KLF12: variants seen among roughly 807,000 people sequenced by gnomAD.
KLF12 encodes Krueppel-like factor 12.
A neutral mutation model predicts 37.8 loss-of-function variants in KLF12; 9 were observed. The ratio of observed to expected loss-of-function variants is 0.24; its 90% CI spans 0.14 to 0.42. The LOEUF is 0.42. KLF12 is among the 10% of genes least tolerant of loss of function. The pLI, the probability that KLF12 is intolerant of heterozygous loss-of-function variation, is 1.00. For missense variants in KLF12, 411 were observed against 516.0 expected (o/e 0.80, Z 1.97); for synonymous variants, 208 against 202.1 (o/e 1.03, Z -0.25).
chr13:73,881,733 T>C (rs901026239), intron 3 of KLF12, among the ~76,000 whole-genome samples: 4 of 152,154 alleles, frequency 2.6e-5, no homozygotes, highest in African/African-American at 9.7e-5. Context: ...CAAAGCCTAA[T>C]TTACACTGAC....
the KLF12 span, among the ~76,000 whole-genome samples, chr13:74,233,564 G>C: frequency 6.6e-6 from 1 of 152,164 alleles, no homozygotes; most frequent in Non-Finnish European, 1.5e-5. Context: ...ACACATTGTA[G>C]TTTGGAGAAG....
chr13:73,738,122 T>TACAC lies in KLF12; in HGVS notation c.870-22598_870-22597insGTGT, dbSNP rs1474999870. ...ATATATATATATATATATATATATA[T>TACAC]ATACACACACACACATATATATACA... On this transcript the variant is annotated intron_variant, in intron 6 of 7. Transcript: ENST00000377669. Among the ~76,000 whole-genome samples, 212 of 64,872 alleles carry TACAC rather than the reference T, an allele frequency of 3.3e-3. 1 individual carries two copies. The highest frequency in any genetic ancestry group is 0.011 in the South Asian group (27 of 2,492). 42.6% of individuals were successfully genotyped at this position (64,872 alleles called of 152,430 possible). A position where few individuals can be genotyped will look rare whatever the true frequency, so the allele number is the denominator to read the frequency against.
chr13:74,128,399 C>T (rs1215631761), intron 1 of KLF12, among the ~76,000 whole-genome samples: 3 of 93,030 alleles, frequency 3.2e-5, no homozygotes, highest in Non-Finnish European at 6.3e-5. Flanking sequence ...AGTGCTTTTC[C>T]TATCAAATCA....
At chr13:74,059,267 T>C (rs183811490) in intron 1 of KLF12, among the ~76,000 whole-genome samples, 338 of 152,358 alleles carry the variant, frequency 2.2e-3, no homozygotes, top group African/African-American at 5.0e-3. Context: ...AGCATTTTCA[T>C]AGAATGATTT....
chr13:74,111,730 T>A (rs1307313434), intron 1 of KLF12, among the ~76,000 whole-genome samples: 1 of 151,624 alleles, frequency 6.6e-6, no homozygotes, highest in Non-Finnish European at 1.5e-5. Context: ...GGAAAAAAGG[T>A]CTTTTAAAAG....
chr13:73,701,370 A>C (rs1874541008), intron 7 of KLF12, among the ~76,000 whole-genome samples: 1 of 152,256 alleles, frequency 6.6e-6, no homozygotes, highest in South Asian at 2.1e-4. Context: ...CAAATGTGTT[A>C]TTCAAAACTA....
At chr13:74,010,604 A>T (rs572862319) in intron 1 of KLF12, among the ~76,000 whole-genome samples, 1 of 152,298 alleles carries the variant, frequency 6.6e-6, no homozygotes, top group South Asian at 2.1e-4. Context: ...TAATTTGTAC[A>T]AGGCGTTTGT....
chr13:74,096,777 GAATGCCAATTT>G (rs1272660347), intron 1 of KLF12, among the ~76,000 whole-genome samples: 1 of 152,134 alleles, frequency 6.6e-6, no homozygotes. Flanking sequence ...GAGATACATA[GAATGCCAATTT>G]CTCAGACTGC....
At chr13:73,859,702 A>G (rs1405033017) in intron 3 of KLF12, among the ~76,000 whole-genome samples, 2 of 152,174 alleles carry the variant, frequency 1.3e-5, no homozygotes, top group African/African-American at 4.8e-5. Context: ...AAAAATAAGG[A>G]CAACAAAAAT....
chr13:73,805,194 T>C (rs1467274786), intron 5 of KLF12, among the ~76,000 whole-genome samples: 1 of 152,172 alleles, frequency 6.6e-6, no homozygotes, highest in Non-Finnish European at 1.5e-5. Flanking sequence ...TTACATCTTA[T>C]TTATTTACAT....
At chr13:74,266,015 A>C in the KLF12 span, among the ~76,000 whole-genome samples, 179 of 152,288 alleles carry the variant, frequency 1.2e-3, no homozygotes, top group African/African-American at 4.2e-3. Context: ...AGTGTGGATT[A>C]TCGTAAGCTT....
In KLF12 at chr13:73,860,293, G is replaced by A. The variant is rs189157546; in HGVS notation, c.124-13920C>T. Among the ~76,000 whole-genome samples the A allele has an allele frequency of 1.1e-4, 17 of 152,256 alleles. 1 individual carries two copies. In the East Asian group the frequency reaches 1.5e-3, roughly 14 times the overall value. ...TTTGTGCTTCTTTCTCTTACGAGGC[G>A]GCCATGGGCCCACCAAAGATATCAT... On this transcript the variant is annotated intron_variant, in intron 3 of 7. Transcript: ENST00000377669.
intron 4 of KLF12, among the ~76,000 whole-genome samples, chr13:73,821,652 A>T (rs1883533095): frequency 6.6e-6 from 1 of 152,172 alleles, no homozygotes; most frequent in South Asian, 2.1e-4. Context: ...TCCTTAAGAC[A>T]TTCCTTACTT....
Position 74,044,628 on chromosome 13 carries a change from C to T in KLF12, c.-31-49575G>A, listed in dbSNP as rs143351378. Among the ~76,000 whole-genome samples the T allele has an allele frequency of 9.1e-4, 139 of 152,096 alleles. 1 individual carries two copies. The highest frequency in any genetic ancestry group is 3.2e-3 in the African/African-American group (132 of 41,498). ...TTGGGAGGCCAAGGCAGGTGAATCA[C>T]GAGGTCAGGAGATCGAGACCATCCT... is the stretch of plus-strand genomic sequence containing the variant. On this transcript the variant is annotated intron_variant, in intron 1 of 7. Coordinates refer to ENST00000377669, the MANE Select transcript of KLF12 (RefSeq NM_007249.5).
At chr13:73,961,854 G>A (rs1208365312) in intron 2 of KLF12, 2 of 363,656 alleles carry the variant, frequency 5.5e-6, no homozygotes, top group South Asian at 2.2e-5. Flanking sequence ...AGCAAATGTA[G>A]GGGAGGATGT....
At chr13:73,697,909 T>C (rs1314107281) in intron 7 of KLF12, among the ~76,000 whole-genome samples, 1 of 152,158 alleles carries the variant, frequency 6.6e-6, no homozygotes, top group African/African-American at 2.4e-5. Flanking sequence ...TCCCAGCACT[T>C]TGGGAGGCCG....
At chr13:74,211,980 T>C in the KLF12 span, among the ~76,000 whole-genome samples, 2 of 152,040 alleles carry the variant, frequency 1.3e-5, no homozygotes. Context: ...TATGCATTGC[T>C]TTTTTTTACA....
intron 3 of KLF12, among the ~76,000 whole-genome samples, chr13:73,904,464 CTTTCCTTTTTTTTTTTT>C (rs1349485977): frequency 1.6e-5 from 1 of 63,018 alleles, no homozygotes; most frequent in Non-Finnish European, 3.5e-5. Context: ...TGTTTTCTTT[CTTTCCTTTTTTTTTTTT>C]TTTTTTTTTT....
At chr13:74,120,933 C>A (rs930332839) in intron 1 of KLF12, among the ~76,000 whole-genome samples, 2 of 151,754 alleles carry the variant, frequency 1.3e-5, no homozygotes, top group African/African-American at 4.8e-5. Context: ...ATAATCAAGC[C>A]CAAATAGAGC....
Sources: gnomAD v4.1 joint callset for allele counts (sites outside exome capture counted in the v4.1 genomes callset) on GRCh38, gnomAD v4.1.1 for gene constraint, MANE v1.5 for transcripts, NCBI Gene and HGNC (gene_info 2026-07-23, HGNC 2026-07-21) for gene names.